The following C15orf40 variants were observed in gnomAD, a reference collection of about 807,000 sequenced individuals.
The protein encoded by C15orf40 is UPF0235 protein C15orf40.
A neutral mutation model predicts 13.9 loss-of-function variants in C15orf40; 9 were observed. The ratio of observed to expected loss-of-function variants is 0.65; its 90% CI spans 0.39 to 1.13. The LOEUF (loss-of-function observed/expected upper bound fraction) is 1.13. C15orf40 is among the 50% of genes most tolerant of loss of function. The pLI, the probability that C15orf40 is intolerant of heterozygous loss-of-function variation, is 0.01. For missense variants in C15orf40, 225 were observed against 188.5 expected (o/e 1.19, Z -1.13); for synonymous variants, 95 against 69.2 (o/e 1.37, Z -1.85).
At position 83,010,323 on chromosome 15, in the gene C15orf40, G is replaced by A. The variant is rs756993991; in HGVS notation, c.152C>T (p.Pro51Leu). 6.2e-6 allele frequency: 10 copies of A among 1,614,046 alleles called. No homozygotes were observed. Among genetic ancestry groups the A allele is most frequent in the South Asian group, 1.1e-5 (1 of 91,080 alleles). Residue 51 changes from proline (P) to leucine (L), a missense_variant, in exon 2 of 4, where the codon CCC becomes CTC. Transcript: ENST00000304177. The stretch of plus-strand genomic sequence containing the variant: ...AGGATCAACTGCCACAGGACCTAAG[G>A]GAGGAAGTGGTCTCTCTGGTTCCTT... ...QSKEPERPLP[P>L]LGPVAVDPKG...
chr15:82,994,414 A>G (rs1360129446), downstream of C15orf40, among the ~76,000 whole-genome samples: 1 of 152,206 alleles, frequency 6.6e-6, no homozygotes, highest in Non-Finnish European at 1.5e-5. Flanking sequence ...AAATTTCCCT[A>G]GACTTCCTAT....
rs2031071010 is a variant in C15orf40, at chr15:82,996,323, T to A, written c.*9274A>T. On this transcript the variant is annotated 3_prime_UTR_variant, in exon 4 of 4. Coordinates refer to ENST00000304177, the MANE Select transcript of C15orf40 (RefSeq NM_144597.3). ...GTTTGTGTGTGTATTTTTCTCATTTTAAAATTTCCTCAACTTGTGTGTTTA... is the reference window on the plus strand; with the variant it reads ...GTTTGTGTGTGTATTTTTCTCATTTAAAAATTTCCTCAACTTGTGTGTTTA... The A allele has an allele frequency of 6.6e-6, 1 of 152,248 alleles. No individual in the cohort carries two copies. Among genetic ancestry groups the A allele is most frequent in the African/African-American group, 2.4e-5 (1 of 41,466 alleles). 9.4% of individuals were successfully genotyped at this position (152,248 alleles called of 1,614,324 possible). A position where few individuals can be genotyped will look rare whatever the true frequency, so the allele number is the denominator to read the frequency against.
downstream of C15orf40, among the ~76,000 whole-genome samples, chr15:82,992,939 C>G (rs2030922897): frequency 6.6e-6 from 1 of 152,122 alleles, no homozygotes; most frequent in Non-Finnish European, 1.5e-5. Context: ...GGTACAGTTT[C>G]TGCTTCATAA....
rs1246149388 is a variant in C15orf40, at chr15:82,998,415, G to A, written c.*7182C>T. The A allele has an allele frequency of 3.1e-5, 3 of 97,524 alleles. No individual in the cohort carries two copies. The highest frequency in any genetic ancestry group is 9.3e-5 in the Admixed American group (1 of 10,800). 6.0% of individuals were successfully genotyped at this position (97,524 alleles called of 1,614,324 possible). Reference sequence around the variant, plus strand: ...CGGAGGGGCTCCTCACTTCTCAGACGGGGTGGTTGCCAGGCAGAGGGTCTC... The same window carrying A: ...CGGAGGGGCTCCTCACTTCTCAGACAGGGTGGTTGCCAGGCAGAGGGTCTC... On this transcript the variant is annotated 3_prime_UTR_variant, in exon 4 of 4. Coordinates refer to ENST00000304177, the MANE Select transcript of C15orf40 (RefSeq NM_144597.3).
chr15:83,010,546 G>A, intron 1 of C15orf40, 183 bp from the exon 2 acceptor site: 1 of 625,470 alleles, frequency 1.6e-6, no homozygotes, highest in Non-Finnish European at 2.7e-6. Context: ...ATTTTCCCAC[G>A]AAGGGTTCCC....
In C15orf40 at chr15:83,010,224, T is replaced by G; in HGVS notation, c.238+13A>C. The G allele has an allele frequency of 6.2e-7, 1 of 1,614,070 alleles. No individual in the cohort carries two copies. Among genetic ancestry groups the G allele is most frequent in the African/African-American group, 1.3e-5 (1 of 75,060 alleles). ...GATTCACACTTGAATCCCACCCCAGTGTCCAGGTATACCTGTTACAGCATT... is the reference window on the plus strand; with the variant it reads ...GATTCACACTTGAATCCCACCCCAGGGTCCAGGTATACCTGTTACAGCATT... On this transcript the variant is annotated intron_variant, in intron 2 of 3. Transcript: ENST00000304177.
intron 2 of C15orf40, among the ~76,000 whole-genome samples, chr15:83,008,973 C>G (rs180886450): frequency 6.6e-6 from 1 of 152,064 alleles, no homozygotes; most frequent in Non-Finnish European, 1.5e-5. Context: ...TGGAAATTGC[C>G]CTTGGTATGT....
chr15:82,995,523 G>C lies in C15orf40; in HGVS notation c.*10074C>G, dbSNP rs1964495. On this transcript the variant is annotated 3_prime_UTR_variant, in exon 4 of 4. Coordinates refer to ENST00000304177, the MANE Select transcript of C15orf40 (RefSeq NM_144597.3). ...CAGCTGGCCAGGCACGGTGGCTCAC[G>C]CCTGTAATCCCATCACTTTGGGAGG... The C allele has an allele frequency of 0.034, 5,225 of 152,414 alleles. 270 individuals carry two copies. The highest frequency in any genetic ancestry group is 0.12 in the African/African-American group (4,785 of 41,526). The allele number at this position is 152,414 out of a possible 1,614,324, so 9.4% of individuals were successfully genotyped here.
At position 82,999,072 on chromosome 15, in the gene C15orf40, A is replaced by T. The variant is rs2151279308; in HGVS notation, c.*6525T>A. On this transcript the variant is annotated 3_prime_UTR_variant, in exon 4 of 4. Coordinates refer to ENST00000304177, the MANE Select transcript of C15orf40 (RefSeq NM_144597.3). ...GCACTGGGCAGGCTGAGGCAGGAGA[A>T]TCAGGCAGGGAGGTTGCAGTGAGCC... 8.1e-6 allele frequency: 1 copy of T among 124,066 alleles called. No individual in the cohort carries two copies. Among genetic ancestry groups the T allele is most frequent in the South Asian group, 2.0e-4 (1 of 4,922 alleles). The allele number at this position is 124,066 out of a possible 1,614,324, so 7.7% of individuals were successfully genotyped here. A position where few individuals can be genotyped will look rare whatever the true frequency, so the allele number is the denominator to read the frequency against.
In C15orf40 at chr15:83,004,336, A is replaced by G; in HGVS notation, c.*1261T>C. The G allele has an allele frequency of 1.0e-6, 1 of 985,430 alleles. No homozygotes were observed. The highest frequency in any genetic ancestry group is 1.2e-6 in the Non-Finnish European group (1 of 829,924). 61.0% of individuals were successfully genotyped at this position (985,430 alleles called of 1,614,324 possible). A position where few individuals can be genotyped will look rare whatever the true frequency, so the allele number is the denominator to read the frequency against. Reference sequence around the variant, plus strand: ...GATTTTGTTTTTAATGATTTGGTCCATCAATACATCTTTCTCATGTACTTG... The same window carrying G: ...GATTTTGTTTTTAATGATTTGGTCCGTCAATACATCTTTCTCATGTACTTG... On this transcript the variant is annotated 3_prime_UTR_variant, in exon 4 of 4. Coordinates refer to ENST00000304177, the MANE Select transcript of C15orf40 (RefSeq NM_144597.3).
Position 83,011,635 on chromosome 15 carries a change from C to T in C15orf40, c.-28G>A, listed in dbSNP as rs770541117. Reference sequence around the variant, plus strand: ...CCGCCTGGGAAGGCGCCGGAAGAGCCCTCTGCGCTTGCGCAGGTAGCCGGC... The same window carrying T: ...CCGCCTGGGAAGGCGCCGGAAGAGCTCTCTGCGCTTGCGCAGGTAGCCGGC... On this transcript the variant is annotated 5_prime_UTR_variant, in exon 1 of 4. Transcript: ENST00000304177. 1.6e-5 allele frequency: 25 copies of T among 1,527,138 alleles called. No homozygotes were observed. Among genetic ancestry groups the T allele is most frequent in the Admixed American group, 4.0e-5 (2 of 50,268 alleles). 94.6% of individuals were successfully genotyped at this position (1,527,138 alleles called of 1,614,324 possible).
At chr15:82,990,295 T>A, downstream of C15orf40, 1 of 242,846 alleles carries the variant, frequency 4.1e-6, no homozygotes, top group Non-Finnish European at 6.7e-6. Context: ...GAATCTTCTT[T>A]GTTTCATGAC....
downstream of C15orf40, chr15:82,990,670 A>G (rs1435743233): frequency 6.5e-7 from 1 of 1,529,978 alleles, no homozygotes; most frequent in Non-Finnish European, 8.9e-7. Flanking sequence ...AAAATAAGGA[A>G]GGAATCATTG....
In C15orf40 at chr15:82,997,018, CAAATAATAA is replaced by C. The variant is rs1447955165; in HGVS notation, c.*8570_*8578del. ...AGGCAACAAGAGCGAAACTTCGTCT[CAAATAATAA>C]TAATAATAATAATAATTATTATTAT... On this transcript the variant is annotated 3_prime_UTR_variant, in exon 4 of 4. Transcript: ENST00000304177. 2.2e-5 allele frequency: 3 copies of C among 138,060 alleles called. No individual in the cohort carries two copies. The highest frequency in any genetic ancestry group is 4.6e-5 in the Non-Finnish European group (3 of 65,500). 8.6% of individuals were successfully genotyped at this position (138,060 alleles called of 1,614,324 possible). A position where few individuals can be genotyped will look rare whatever the true frequency, so the allele number is the denominator to read the frequency against.
chr15:82,992,186 T>C, downstream of C15orf40: 1 of 352,476 alleles, frequency 2.8e-6, no homozygotes, highest in Middle Eastern at 1.0e-3. Flanking sequence ...GGCACTGTAC[T>C]CCAGTTTGGG....
Position 82,999,846 on chromosome 15 carries a change from T to C in C15orf40, c.*5751A>G, listed in dbSNP as rs945874844. ...CTCTATCTAGGGGACCGATGGACCC[T>C]GAGGCAGACAGGATTATAAAATGCA... On this transcript the variant is annotated 3_prime_UTR_variant, in exon 4 of 4. Coordinates refer to ENST00000304177, the MANE Select transcript of C15orf40 (RefSeq NM_144597.3). The C allele has an allele frequency of 1.3e-5, 2 of 151,886 alleles. No homozygotes were observed. The highest frequency in any genetic ancestry group is 2.9e-5 in the Non-Finnish European group (2 of 68,038). 9.4% of individuals were successfully genotyped at this position (151,886 alleles called of 1,614,324 possible). A position where few individuals can be genotyped will look rare whatever the true frequency, so the allele number is the denominator to read the frequency against.
rs375474953 is a variant in C15orf40, at chr15:83,011,530, G to A, written c.78C>T (p.Ala26=). Residue 26 remains alanine, a synonymous_variant, in exon 1 of 4, where the codon GCC becomes GCT. Coordinates refer to ENST00000304177, the MANE Select transcript of C15orf40 (RefSeq NM_144597.3). ...NTRGSARLLC[A]EMPKKAGATT... is the part of the protein sequence containing the mutation. ...TCGCACCAGCCTTCTTAGGCATCTC[G>A]GCGCAAAGAAGCCGAGCGGAGCCCC... 2.6e-5 allele frequency: 41 copies of A among 1,607,222 alleles called. No homozygotes were observed. Among genetic ancestry groups the A allele is most frequent in the Admixed American group, 3.3e-5 (2 of 59,816 alleles).
At chr15:82,989,211 G>T (rs1433088699), downstream of C15orf40, 1 of 1,608,132 alleles carries the variant, frequency 6.2e-7, no homozygotes, top group African/African-American at 1.3e-5. Flanking sequence ...AAGAATAAAT[G>T]CAGATAGTTG....
chr15:82,990,764 TAGC>T (rs1218512996), downstream of C15orf40: 1 of 894,860 alleles, frequency 1.1e-6, no homozygotes, highest in African/African-American at 1.7e-5. Context: ...GCTAACAACA[TAGC>T]AGGTCAAAAT....
Sources: gnomAD v4.1 joint callset for allele counts (sites outside exome capture counted in the v4.1 genomes callset) on GRCh38, gnomAD v4.1.1 for gene constraint, MANE v1.5 for transcripts, NCBI Gene and HGNC (gene_info 2026-07-23, HGNC 2026-07-21) for gene names.